Variants in GALNT13 observed in about 807,000 individuals in gnomAD.
The protein encoded by GALNT13 is UDP-GalNAc:polypeptide N-acetylgalactosaminyltransferase 13.
Under a neutral mutation model 64.2 loss-of-function variants are expected in GALNT13, and 28 were observed. That is an observed-to-expected ratio of 0.44 (90% CI 0.32 to 0.60). GALNT13 has a LOEUF of 0.60. GALNT13 is among the 20% of genes least tolerant of loss of function. The pLI, the probability that GALNT13 is intolerant of heterozygous loss-of-function variation, is 0.05. For synonymous variants in GALNT13, 214 were observed against 224.6 expected, an observed-to-expected ratio of 0.95 and a Z score of 0.42; for missense variants, 577 against 669.8, an observed-to-expected ratio of 0.86 and a Z score of 1.53.
At chr2:154,445,794 A>G (rs1214498006) in intron 12 of GALNT13, 1 of 1,287,822 alleles carries the variant, frequency 7.8e-7, no homozygotes, top group East Asian at 5.6e-5. Context: ...AAGTGTTTGA[A>G]TCAACAGACT....
At chr2:153,838,790 T>C in the GALNT13 span, among the ~76,000 whole-genome samples, 1 of 151,930 alleles carries the variant, frequency 6.6e-6, no homozygotes, top group Non-Finnish European at 1.5e-5. Context: ...CCACACAAAT[T>C]TTAGGATTTT....
At chr2:153,097,766 G>A in the GALNT13 span, among the ~76,000 whole-genome samples, 11 of 151,978 alleles carry the variant, frequency 7.2e-5, no homozygotes, top group Middle Eastern at 3.2e-3. Flanking sequence ...GATCATACAG[G>A]CATTACATAA....
intron 9 of GALNT13, among the ~76,000 whole-genome samples, chr2:154,313,130 A>G (rs1694135870): frequency 6.6e-6 from 1 of 151,374 alleles, no homozygotes; most frequent in Non-Finnish European, 1.5e-5. Flanking sequence ...TAATTTTATC[A>G]TAATGAAATC....
the GALNT13 span, among the ~76,000 whole-genome samples, chr2:153,525,580 G>A: frequency 2.0e-5 from 3 of 152,082 alleles, no homozygotes; most frequent in African/African-American, 7.2e-5. Context: ...TGTGAACCCC[G>A]TTGTGAACTT....
At chr2:153,915,425 T>C (rs776121902) in intron 2 of GALNT13, among the ~76,000 whole-genome samples, 2 of 152,182 alleles carry the variant, frequency 1.3e-5, no homozygotes, top group Non-Finnish European at 2.9e-5. Flanking sequence ...CACTGTTCTG[T>C]TGGCCAATTC....
intron 3 of GALNT13, among the ~76,000 whole-genome samples, chr2:154,100,853 C>T (rs1702310443): frequency 6.6e-6 from 1 of 151,944 alleles, no homozygotes. Flanking sequence ...TGATACATGG[C>T]TGCTAATATT....
chr2:154,305,130 C>G (rs1023994681), intron 9 of GALNT13, among the ~76,000 whole-genome samples: 1 of 152,194 alleles, frequency 6.6e-6, no homozygotes, highest in East Asian at 1.9e-4. Flanking sequence ...AGTCAGAAAT[C>G]TATTATTTTT....
intron 2 of GALNT13, among the ~76,000 whole-genome samples, chr2:153,901,645 T>G (rs896846652): frequency 6.6e-6 from 1 of 152,134 alleles, no homozygotes; most frequent in Non-Finnish European, 1.5e-5. Context: ...TCTGCCCTGA[T>G]GAAGTGTTCT....
At chr2:154,068,452 G>A (rs2105383353) in intron 3 of GALNT13, among the ~76,000 whole-genome samples, 1 of 152,038 alleles carries the variant, frequency 6.6e-6, no homozygotes, top group South Asian at 2.1e-4. Context: ...GCCAGGGAGT[G>A]GAAGCAACCT....
At chr2:153,099,462 ACT>A in the GALNT13 span, among the ~76,000 whole-genome samples, 2 of 152,196 alleles carry the variant, frequency 1.3e-5, no homozygotes, top group Non-Finnish European at 2.9e-5. Context: ...ATATTGATAA[ACT>A]CACATGTTAA....
At chr2:153,118,782 A>G in the GALNT13 span, among the ~76,000 whole-genome samples, 1 of 152,206 alleles carries the variant, frequency 6.6e-6, no homozygotes, top group Non-Finnish European at 1.5e-5. Flanking sequence ...AGTGCTATCA[A>G]ATAGATAAAA....
chr2:154,098,343 A>AT (rs748568964), intron 3 of GALNT13, among the ~76,000 whole-genome samples: 31 of 149,910 alleles, frequency 2.1e-4, no homozygotes, highest in African/African-American at 5.1e-4. Flanking sequence ...TGAATGGATT[A>AT]TTTTTTTTTC....
chr2:154,081,172 A>G (rs1701254730), intron 3 of GALNT13, among the ~76,000 whole-genome samples: 2 of 151,654 alleles, frequency 1.3e-5, no homozygotes, highest in South Asian at 4.1e-4. Context: ...ACCATACTCT[A>G]TGTAAATCTC....
the GALNT13 span, among the ~76,000 whole-genome samples, chr2:153,782,884 TG>T: frequency 6.6e-6 from 1 of 152,192 alleles, no homozygotes; most frequent in Non-Finnish European, 1.5e-5. Flanking sequence ...CCAACAACCA[TG>T]TGAGCTCACT....
chr2:154,051,163 A>C (rs918593850), intron 3 of GALNT13, among the ~76,000 whole-genome samples: 1 of 152,226 alleles, frequency 6.6e-6, no homozygotes, highest in East Asian at 1.9e-4. Context: ...GATAATGCCA[A>C]AGAGACATTA....
chr2:153,879,620 G>A (rs370371947), intron 1 of GALNT13, among the ~76,000 whole-genome samples: 5 of 150,958 alleles, frequency 3.3e-5, no homozygotes, highest in African/African-American at 1.2e-4. Flanking sequence ...TAGTCCTCCC[G>A]CCTCAGCCTC....
At chr2:153,887,147 T>G (rs979137564) in intron 1 of GALNT13, among the ~76,000 whole-genome samples, 6 of 151,844 alleles carry the variant, frequency 4.0e-5, no homozygotes, top group African/African-American at 1.5e-4. Context: ...ATTAACTCAT[T>G]TAATTCTTAC....
chr2:153,672,808 T>C, the GALNT13 span, among the ~76,000 whole-genome samples: 4,753 of 148,602 alleles, frequency 0.032, 111 homozygotes, highest in Middle Eastern at 0.061. Flanking sequence ...AATAGACCGC[T>C]AGCAAGACTA....
At chr2:153,587,906 A>G in the GALNT13 span, among the ~76,000 whole-genome samples, 4 of 152,234 alleles carry the variant, frequency 2.6e-5, no homozygotes, top group Admixed American at 2.6e-4. Flanking sequence ...CGTAGATACA[A>G]TGGGGGTACA....
Sources: allele counts gnomAD v4.1 joint callset (sites outside exome capture counted in the v4.1 genomes callset), GRCh38; gene constraint gnomAD v4.1.1; transcripts MANE v1.5; gene names NCBI Gene and HGNC (gene_info 2026-07-23, HGNC 2026-07-21).